The following CCDC148 variants were observed in gnomAD, a reference collection of about 807,000 sequenced individuals.
CCDC148 encodes coiled-coil domain-containing protein 148.
Under a neutral mutation model 85.7 loss-of-function variants are expected in CCDC148, and 89 were observed. That is an observed-to-expected ratio of 1.04 (90% CI 0.87 to 1.24). The LOEUF (loss-of-function observed/expected upper bound fraction) is 1.24. Among genes scored for constraint, CCDC148 ranks in the 50% most tolerant of loss-of-function variants. The pLI, the probability that CCDC148 is intolerant of heterozygous loss-of-function variation, is 0.00. For missense variants in CCDC148, 692 were observed against 671.7 expected (o/e 1.03, Z -0.33); for synonymous variants, 230 against 213.9 (o/e 1.08, Z -0.66).
At chr2:158,310,417 C>T (rs1265747684) in intron 8 of CCDC148, among the ~76,000 whole-genome samples, 1 of 152,220 alleles carries the variant, frequency 6.6e-6, no homozygotes, top group Non-Finnish European at 1.5e-5. Flanking sequence ...CATCATGGCC[C>T]GTTCTCAATG....
intron 1 of CCDC148, among the ~76,000 whole-genome samples, chr2:158,448,507 C>T (rs1016124315): frequency 6.6e-6 from 1 of 151,908 alleles, no homozygotes; most frequent in Admixed American, 6.6e-5. Context: ...GCCACCATGC[C>T]TAATTTTTGT....
chr2:158,316,609 A>C (rs755156548), intron 7 of CCDC148, among the ~76,000 whole-genome samples: 16 of 152,184 alleles, frequency 1.1e-4, no homozygotes, highest in Non-Finnish European at 1.9e-4. Flanking sequence ...TGATATATAA[A>C]TACTCACAAT....
At chr2:158,354,070 T>G (rs1417045612) in intron 2 of CCDC148, among the ~76,000 whole-genome samples, 6 of 151,814 alleles carry the variant, frequency 4.0e-5, no homozygotes, top group African/African-American at 9.7e-5. Context: ...TGGGACACAT[T>G]CAAAGCAGTG....
chr2:158,449,830 T>C (rs544580835), intron 1 of CCDC148, among the ~76,000 whole-genome samples: 1 of 152,350 alleles, frequency 6.6e-6, no homozygotes, highest in South Asian at 2.1e-4. Flanking sequence ...AAGGAAAGCA[T>C]GGAGTCTTTC....
At chr2:158,225,738 A>C (rs1426581848) in intron 10 of CCDC148, among the ~76,000 whole-genome samples, 1 of 152,236 alleles carries the variant, frequency 6.6e-6, no homozygotes, top group Non-Finnish European at 1.5e-5. Context: ...GCAGAAATAA[A>C]GATGTTCTTT....
chr2:158,262,586 C>T (rs1689277925), intron 9 of CCDC148, among the ~76,000 whole-genome samples: 1 of 151,978 alleles, frequency 6.6e-6, no homozygotes, highest in African/African-American at 2.4e-5. Context: ...ACTCAGAGTT[C>T]TGCATGGCTA....
At chr2:158,316,777 T>C (rs938501902) in intron 7 of CCDC148, among the ~76,000 whole-genome samples, 1 of 152,156 alleles carries the variant, frequency 6.6e-6, no homozygotes, top group Non-Finnish European at 1.5e-5. Context: ...GCTACATACA[T>C]ACCCTACGTA....
intron 10 of CCDC148, among the ~76,000 whole-genome samples, chr2:158,244,827 C>T (rs1007792806): frequency 2.0e-5 from 3 of 152,098 alleles, no homozygotes; most frequent in African/African-American, 7.2e-5. Flanking sequence ...CTATAGCCCA[C>T]CTTAGAAGCC....
intron 9 of CCDC148, among the ~76,000 whole-genome samples, chr2:158,269,091 G>A (rs557764755): frequency 6.6e-6 from 1 of 152,220 alleles, no homozygotes; most frequent in South Asian, 2.1e-4. Context: ...AAGATGAATT[G>A]CTGGGCATAT....
intron 1 of CCDC148, among the ~76,000 whole-genome samples, chr2:158,387,429 C>T (rs796259204): frequency 4.5e-4 from 69 of 152,144 alleles, no homozygotes; most frequent in African/African-American, 1.3e-3. Flanking sequence ...GTCCAGCTGC[C>T]GTTAACTTTT....
At chr2:158,433,923 G>A (rs1039510434) in intron 1 of CCDC148, among the ~76,000 whole-genome samples, 1 of 152,208 alleles carries the variant, frequency 6.6e-6, no homozygotes, top group Non-Finnish European at 1.5e-5. Context: ...CGAGGCTGGG[G>A]GAGGGGCGTC....
intron 1 of CCDC148, among the ~76,000 whole-genome samples, chr2:158,366,247 T>A (rs1279521202): frequency 6.6e-6 from 1 of 152,154 alleles, no homozygotes; most frequent in Non-Finnish European, 1.5e-5. Flanking sequence ...TCTGTTAGTG[T>A]TTTTTCTGTG....
At chr2:158,385,168 T>C (rs1375445213) in intron 1 of CCDC148, among the ~76,000 whole-genome samples, 1 of 152,184 alleles carries the variant, frequency 6.6e-6, no homozygotes, top group Non-Finnish European at 1.5e-5. Context: ...TAATTTTCTC[T>C]AGACCTAAAT....
At chr2:158,310,815 G>A (rs1419333207) in intron 8 of CCDC148, among the ~76,000 whole-genome samples, 3 of 149,242 alleles carry the variant, frequency 2.0e-5, no homozygotes, top group African/African-American at 7.5e-5. Flanking sequence ...GCCAGGCAGA[G>A]ACGCTCCTCA....
intron 8 of CCDC148, among the ~76,000 whole-genome samples, chr2:158,312,908 C>T (rs1202470952): frequency 6.6e-6 from 1 of 152,158 alleles, no homozygotes; most frequent in East Asian, 1.9e-4. Context: ...TAGTACTTCT[C>T]CCATCCACTC....
chr2:158,359,544 G>T (rs749771093), intron 1 of CCDC148, among the ~76,000 whole-genome samples: 2 of 152,196 alleles, frequency 1.3e-5, no homozygotes, highest in Non-Finnish European at 2.9e-5. Flanking sequence ...AGCCGAAGCA[G>T]GGTGGGGTGT....
Position 158,340,674 on chromosome 2 carries a change from T to A in CCDC148, c.258A>T (p.Lys86Asn), listed in dbSNP as rs1682638841. Residue 86 changes from lysine (K) to asparagine (N), a missense_variant, in exon 4 of 14, where the codon AAA becomes AAT. By Grantham distance (94) the Lys-to-Asn change is moderately conservative. Coordinates refer to ENST00000283233, the MANE Select transcript of CCDC148 (RefSeq NM_138803.4). ...EYQRLNEVRC[K>N]MESEIKSLLN... Reference sequence around the variant, plus strand: ...GAAGGGATTTTATTTCAGATTCCATTTTACATCTGAAATAGATGTGATCTC... The same window carrying A: ...GAAGGGATTTTATTTCAGATTCCATATTACATCTGAAATAGATGTGATCTC... 3 of 1,546,286 alleles carry A rather than the reference T, an allele frequency of 1.9e-6. No individual in the cohort carries two copies. Among genetic ancestry groups the A allele is most frequent in the Non-Finnish European group, 2.7e-6 (3 of 1,128,576 alleles).
At chr2:158,293,248 T>C (rs1274630429) in intron 9 of CCDC148, among the ~76,000 whole-genome samples, 3 of 152,124 alleles carry the variant, frequency 2.0e-5, no homozygotes, top group African/African-American at 4.8e-5. Context: ...ATTCACAATA[T>C]CTATGGCATT....
At chr2:158,320,988 G>A (rs570732596) in intron 7 of CCDC148, among the ~76,000 whole-genome samples, 1 of 152,178 alleles carries the variant, frequency 6.6e-6, no homozygotes, top group Admixed American at 6.5e-5. Context: ...TACATAACAT[G>A]CAAATAAATA....
Sources: gnomAD v4.1 joint callset for allele counts (sites outside exome capture counted in the v4.1 genomes callset) on GRCh38, gnomAD v4.1.1 for gene constraint, MANE v1.5 for transcripts, NCBI Gene and HGNC (gene_info 2026-07-23, HGNC 2026-07-21) for gene names.